Variants in DMD observed in about 807,000 individuals in gnomAD.
The protein encoded by DMD is mutant dystrophin.
In DMD, 63 loss-of-function variants were observed where a neutral mutation model predicts 330.1. The observed-to-expected ratio is 0.19, with a 90% CI of 0.16 to 0.24. The LOEUF is 0.24. DMD is among the 10% of genes least tolerant of loss of function. The probability of loss-of-function intolerance (pLI) is 1.00; values close to 1 mark genes in which losing one functional copy is unlikely to be tolerated. For synonymous variants in DMD, 1,223 were observed against 959.8 expected (o/e 1.27, Z -5.07); for missense variants, 3,344 against 2,684.1 (o/e 1.25, Z -5.43).
chrX:31,824,519 G>A (rs1257747929), intron 49 of DMD, among the ~76,000 whole-genome samples: 1 of 111,687 alleles, frequency 9.0e-6, no homozygotes, highest in African/African-American at 3.3e-5. Context: ...CCAATGTGCT[G>A]GGATTGCAGG....
chrX:33,320,997 C>T (rs1387293602), intron 1 of DMD, among the ~76,000 whole-genome samples: 2 of 111,814 alleles, frequency 1.8e-5, no homozygotes, highest in African/African-American at 3.2e-5. Context: ...TCAGGCTCCA[C>T]TTCTCATTTT....
chrX:31,751,153 G>C (rs2088526237), intron 51 of DMD, among the ~76,000 whole-genome samples: 1 of 108,428 alleles, frequency 9.2e-6, no homozygotes, highest in Admixed American at 9.9e-5. Flanking sequence ...CTACTTTAAA[G>C]TTCATATGGA....
intron 1 of DMD, among the ~76,000 whole-genome samples, chrX:33,058,290 T>A (rs746684731): frequency 1.8e-4 from 20 of 110,708 alleles, no homozygotes; most frequent in Non-Finnish European, 3.6e-4. Context: ...GTGGACTTAA[T>A]TTCTCCCCTT....
At chrX:32,721,487 C>T (rs1281318002) in intron 7 of DMD, among the ~76,000 whole-genome samples, 2 of 109,085 alleles carry the variant, frequency 1.8e-5, no homozygotes, top group East Asian at 2.9e-4. Flanking sequence ...CCCTGTTGGC[C>T]GTTTGCACAT....
chrX:32,244,044 C>T (rs1435451945), intron 43 of DMD, among the ~76,000 whole-genome samples: 91 of 100,673 alleles, frequency 9.0e-4, no homozygotes, highest in Non-Finnish European at 1.2e-3. Context: ...CATGCTGGTG[C>T]GCTGCACCCA....
chrX:32,980,120 C>T (rs1010565312), intron 2 of DMD, among the ~76,000 whole-genome samples: 1 of 110,260 alleles, frequency 9.1e-6, no homozygotes. Context: ...AATCCCAGCA[C>T]TTTGGGAGGC....
At chrX:32,945,474 T>C (rs962112306) in intron 2 of DMD, among the ~76,000 whole-genome samples, 10 of 111,498 alleles carry the variant, frequency 9.0e-5, no homozygotes, top group Non-Finnish European at 1.1e-4. Flanking sequence ...TTTGACTTTT[T>C]TCCCCAATAC....
rs187079305 is a variant in DMD at position 33,194,424 on chromosome X, A to T, written c.31+16858T>A. Reference sequence around the variant, plus strand: ...GGCATACGGAGATCAAAATTGGGTTATATGATCTAATTTAGTTGAAGATAA... The same window carrying T: ...GGCATACGGAGATCAAAATTGGGTTTTATGATCTAATTTAGTTGAAGATAA... On this transcript the variant is annotated intron_variant, in intron 1 of 78. Coordinates refer to ENST00000357033, the MANE Select transcript of DMD (RefSeq NM_004006.3). Among the ~76,000 whole-genome samples, 229 of 110,771 alleles carry T rather than the reference A, an allele frequency of 2.1e-3. 2 individuals are homozygous for T. The highest frequency in any genetic ancestry group is 7.4e-3 in the African/African-American group (225 of 30,555).
At chrX:31,591,846 G>C (rs1764175968) in intron 55 of DMD, among the ~76,000 whole-genome samples, 1 of 110,816 alleles carries the variant, frequency 9.0e-6, no homozygotes, top group African/African-American at 3.3e-5. Flanking sequence ...TTGACAGATG[G>C]TAATGATTTT....
intron 63 of DMD, among the ~76,000 whole-genome samples, chrX:31,259,790 G>C (rs1403141132): frequency 9.0e-6 from 1 of 110,808 alleles, no homozygotes; most frequent in African/African-American, 3.3e-5. Flanking sequence ...CATTTTGTGA[G>C]AATCTATGAC....
At chrX:32,597,347 C>T (rs893482753) in intron 12 of DMD, among the ~76,000 whole-genome samples, 1 of 111,751 alleles carries the variant, frequency 8.9e-6, no homozygotes, top group Non-Finnish European at 1.9e-5. Flanking sequence ...GAGATGCCCT[C>T]TGTCCTTCTC....
intron 48 of DMD, 45 bp from the exon 49 acceptor site, chrX:31,836,864 C>A (rs753089376): frequency 9.5e-7 from 1 of 1,053,416 alleles, no homozygotes; most frequent in Non-Finnish European, 1.3e-6. Flanking sequence ...TCACAGTTAG[C>A]AATAAAATTA....
intron 4 of DMD, among the ~76,000 whole-genome samples, chrX:32,838,600 G>A (rs1735053643): frequency 8.9e-6 from 1 of 111,798 alleles, no homozygotes. Context: ...TGGCTGCATA[G>A]TATTCCATGG....
intron 15 of DMD, among the ~76,000 whole-genome samples, chrX:32,566,564 G>T (rs73459754): frequency 9.0e-6 from 1 of 111,691 alleles, no homozygotes; most frequent in East Asian, 2.8e-4. Context: ...TAAGTCGCTG[G>T]GCATGACATA....
intron 51 of DMD, among the ~76,000 whole-genome samples, chrX:31,744,115 G>T (rs2087615867): frequency 9.0e-6 from 1 of 111,583 alleles, no homozygotes; most frequent in African/African-American, 3.3e-5. Context: ...CGATCCTCCT[G>T]CCTTGGCCTC....
chrX:32,559,689 A>G (rs978827855), intron 16 of DMD, among the ~76,000 whole-genome samples: 1 of 111,995 alleles, frequency 8.9e-6, no homozygotes, highest in Non-Finnish European at 1.9e-5. Flanking sequence ...GAACATGTAA[A>G]GAAATTTTCA....
chrX:31,130,055 C>A (rs980010440), intron 77 of DMD, among the ~76,000 whole-genome samples: 2 of 111,286 alleles, frequency 1.8e-5, no homozygotes, highest in Non-Finnish European at 3.8e-5. Context: ...CTGCTAACTG[C>A]TTTCTGGATT....
intron 9 of DMD, among the ~76,000 whole-genome samples, chrX:32,683,899 G>A (rs2062635051): frequency 9.1e-6 from 1 of 109,425 alleles, no homozygotes; most frequent in African/African-American, 3.3e-5. Context: ...TGACTTATTT[G>A]TTTAAAAATT....
intron 55 of DMD, among the ~76,000 whole-genome samples, chrX:31,510,856 C>T (rs921142323): frequency 6.3e-5 from 7 of 111,046 alleles, no homozygotes; most frequent in Admixed American, 1.9e-4. Flanking sequence ...TCCTGGACCA[C>T]CTGTGAGCAA....
Sources: allele counts gnomAD v4.1 joint callset (sites outside exome capture counted in the v4.1 genomes callset), GRCh38; gene constraint gnomAD v4.1.1; transcripts MANE v1.5; gene names NCBI Gene and HGNC (gene_info 2026-07-23, HGNC 2026-07-21).